The following COQ8B variants were observed in gnomAD, a reference collection of about 807,000 sequenced individuals.
COQ8B encodes coenzyme Q8B, also known as atypical kinase COQ8B, mitochondrial.
Under a neutral mutation model 62.0 loss-of-function variants are expected in COQ8B, and 44 were observed. The ratio of observed to expected loss-of-function variants is 0.71; its 90% CI spans 0.56 to 0.91. The LOEUF (loss-of-function observed/expected upper bound fraction) is 0.91. COQ8B is among the 40% of genes least tolerant of loss of function. The probability of loss-of-function intolerance (pLI) is 0.00; values close to 1 mark genes in which losing one functional copy is unlikely to be tolerated. For missense variants in COQ8B, 649 were observed against 731.6 expected (o/e 0.89, Z 1.30); for synonymous variants, 252 against 289.9 (o/e 0.87, Z 1.33).
At chr19:40,705,011 G>A (rs2082089007) in intron 7 of COQ8B, 85 bp downstream of exon 7, 1 of 1,268,834 alleles carries the variant, frequency 7.9e-7, no homozygotes, top group African/African-American at 1.5e-5. Flanking sequence ...GAGGCAGGGA[G>A]TGGGGCAGTG....
intron 1 of COQ8B, 93 bp from the exon 2 acceptor site, chr19:40,714,728 C>T (rs2144720824): frequency 7.5e-7 from 1 of 1,340,876 alleles, no homozygotes; most frequent in Admixed American, 2.8e-5. Context: ...CTCTCATTCC[C>T]ACCCACTAAA....
At chr19:40,705,292 G>T (rs1240802792) in intron 6 of COQ8B, 33 bp downstream of exon 6, 1 of 1,585,204 alleles carries the variant, frequency 6.3e-7, no homozygotes, top group Admixed American at 1.7e-5. Flanking sequence ...TAGAAGGGAG[G>T]TCAGGGGTCA....
intron 3 of COQ8B, 39 bp from the exon 4 acceptor site, chr19:40,714,172 G>A: frequency 2.5e-6 from 4 of 1,613,540 alleles, no homozygotes; most frequent in Non-Finnish European, 3.4e-6. Context: ...GGGAAAGTGG[G>A]CATCGTGGCC....
chr19:40,716,676 T>G lies in COQ8B; in HGVS notation c.-93A>C, dbSNP rs2082187435. ...GTCTCGAACCCACACCCGTGGGAACTCCAAGTCTTTGAAAGTCCGTCCCGC... is the reference window on the plus strand; with the variant it reads ...GTCTCGAACCCACACCCGTGGGAACGCCAAGTCTTTGAAAGTCCGTCCCGC... On this transcript the variant is annotated 5_prime_UTR_variant, in exon 1 of 15. Transcript: ENST00000324464. 6.6e-6 allele frequency: 1 copy of G among 152,360 alleles called. No individual in the cohort carries two copies. The highest frequency in any genetic ancestry group is 2.4e-5 in the African/African-American group (1 of 41,460). 9.4% of individuals were successfully genotyped at this position (152,360 alleles called of 1,614,324 possible).
rs960492727 is a variant in COQ8B at position 40,692,322 on chromosome 19, C to T, written c.1348G>A (p.Ala450Thr). The change falls in exon 15 of 15, where the codon GCC becomes ACC. Residue 450 changes from alanine to threonine, a missense_variant. By Grantham distance (58) the Ala-to-Thr change is moderately conservative. Coordinates refer to ENST00000324464, the MANE Select transcript of COQ8B (RefSeq NM_024876.4). ...EAVMILGEPFATQGPYDFGSG... is the reference protein window; with the variant it reads ...EAVMILGEPFTTQGPYDFGSG... ...CCAAAGTCATAAGGGCCCTGGGTGG[C>T]GAAAGGCTCCCCCAGGATCATCACT... 8 of 1,613,562 alleles carry T rather than the reference C, an allele frequency of 5.0e-6. No homozygotes were observed. In the African/African-American group the frequency reaches 6.7e-5, roughly 13 times the overall value.
At chr19:40,706,755 T>G (rs554811704) in intron 5 of COQ8B, among the ~76,000 whole-genome samples, 1 of 152,160 alleles carries the variant, frequency 6.6e-6, no homozygotes, top group African/African-American at 2.4e-5. Context: ...CCACCGCACC[T>G]GGCCTAAAAA....
rs1454081177 is a variant in COQ8B at position 40,700,462 on chromosome 19, A to T, written c.894-11T>A. ...TTTGCCAGCAGCTGCCTGGGGCAGA[A>T]GGAAAGGGAGGAAGGGGACTTCGTG... is the stretch of plus-strand genomic sequence containing the variant. On this transcript the variant is annotated splice_polypyrimidine_tract_variant and intron_variant, in intron 10 of 14. Coordinates refer to ENST00000324464, the MANE Select transcript of COQ8B (RefSeq NM_024876.4). The T allele has an allele frequency of 6.2e-7, 1 of 1,611,500 alleles. No individual in the cohort carries two copies. The highest frequency in any genetic ancestry group is 8.5e-7 in the Non-Finnish European group (1 of 1,179,068).
chr19:40,696,396 G>T (rs2082015407), intron 12 of COQ8B, among the ~76,000 whole-genome samples: 1 of 151,994 alleles, frequency 6.6e-6, no homozygotes, highest in Non-Finnish European at 1.5e-5. Context: ...GCCACACGTG[G>T]TGGCTCACAC....
chr19:40,697,875 G>GAGAGGGAGAGAGAC (rs58313890), intron 12 of COQ8B, among the ~76,000 whole-genome samples: 12 of 103,474 alleles, frequency 1.2e-4, no homozygotes, highest in African/African-American at 5.1e-4. Context: ...GAGAGAGAGA[G>GAGAGGGAGAGAGAC]AGTTTCTACT....
chr19:40,694,986 TG>T (rs1227191156), intron 13 of COQ8B, among the ~76,000 whole-genome samples: 2 of 152,310 alleles, frequency 1.3e-5, no homozygotes, highest in South Asian at 4.1e-4. Flanking sequence ...TCTCCAGCTT[TG>T]CCTAGAATAG....
At position 40,691,917 on chromosome 19, in the gene COQ8B, C is replaced by T; in HGVS notation, c.*118G>A. 1.0e-6 allele frequency: 1 copy of T among 998,534 alleles called. No homozygotes were observed. The highest frequency in any genetic ancestry group is 1.3e-6 in the Non-Finnish European group (1 of 744,620). The allele number at this position is 998,534 out of a possible 1,614,324, so 61.9% of individuals were successfully genotyped here. On this transcript the variant is annotated 3_prime_UTR_variant, in exon 15 of 15. Transcript: ENST00000324464. The stretch of plus-strand genomic sequence containing the variant: ...TGAGCTCCTGGGCCAAGGAGGAGAG[C>T]CAGGCAAGACTGGGAAGCCCAAGGG...
rs35930091 is a variant in COQ8B at position 40,697,114 on chromosome 19, ATT to A, written c.1144-1062_1144-1061del. ...TATTAGTTATAAACTCTGTTCTGAC[ATT>A]TTTTTTTTTTTTTGAGACAGGGTCT... On this transcript the variant is annotated intron_variant, in intron 12 of 14. Transcript: ENST00000324464. 5.0e-3 allele frequency among the ~76,000 whole-genome samples: 705 copies of A among 142,176 alleles called. 6 individuals are homozygous for A. The highest frequency in any genetic ancestry group is 0.015 in the African/African-American group (577 of 38,594). The allele number at this position is 142,176 out of a possible 152,430, so 93.3% of individuals were successfully genotyped here.
intron 1 of COQ8B, chr19:40,714,848 C>T (rs953029909): frequency 7.4e-7 from 1 of 1,342,624 alleles, no homozygotes; most frequent in Admixed American, 3.7e-5. Context: ...TCCCCCCTCT[C>T]CCAACCCTCG....
intron 1 of COQ8B, among the ~76,000 whole-genome samples, chr19:40,716,212 G>C (rs1205541097): frequency 2.0e-5 from 3 of 152,102 alleles, no homozygotes; most frequent in Non-Finnish European, 4.4e-5. Context: ...TGTGCCCAAT[G>C]TCTCCCCCAG....
rs2082186893 is a variant in COQ8B at position 40,716,627 on chromosome 19, G to A, written c.-44C>T. 1 of 152,312 alleles carries A rather than the reference G, an allele frequency of 6.6e-6. No homozygotes were observed. Among genetic ancestry groups the A allele is most frequent in the East Asian group, 1.9e-4 (1 of 5,200 alleles). 9.4% of individuals were successfully genotyped at this position (152,312 alleles called of 1,614,324 possible). A position where few individuals can be genotyped will look rare whatever the true frequency, so the allele number is the denominator to read the frequency against. On this transcript the variant is annotated 5_prime_UTR_variant, in exon 1 of 15. Coordinates refer to ENST00000324464, the MANE Select transcript of COQ8B (RefSeq NM_024876.4). The stretch of plus-strand genomic sequence containing the variant: ...GCGTAAGTCATTTGCTCAGGGTAGC[G>A]GAGCTGGGAACTGGCAGAGGAAGGT...
chr19:40,713,849 C>G (rs1440493220), intron 4 of COQ8B, among the ~76,000 whole-genome samples: 1 of 151,734 alleles, frequency 6.6e-6, no homozygotes, highest in East Asian at 1.9e-4. Context: ...TGCACTCCAG[C>G]CTGGGTGACA....
rs1161056851 is a variant in COQ8B at position 40,714,607 on chromosome 19, A to G, written c.26T>C (p.Leu9Pro). Residue 9 changes from leucine to proline, a missense_variant, in exon 2 of 15, where the codon CTT becomes CCT. By Grantham distance (98) the Leu-to-Pro change is moderately conservative. Transcript: ENST00000324464. ...GCCCAGCTGTCCACCGGTCCCCCGA[A>G]GTAGGCCCCCCACCTTCAGCCACAT... MWLKVGGL[L>P]RGTGGQLGQT... 1.2e-6 allele frequency: 2 copies of G among 1,610,214 alleles called. No homozygotes were observed. Among genetic ancestry groups the G allele is most frequent in the Admixed American group, 1.7e-5 (1 of 59,300 alleles).
chr19:40,696,105 A>C, intron 12 of COQ8B, 51 bp from the exon 13 acceptor site: 2 of 1,582,850 alleles, frequency 1.3e-6, no homozygotes, highest in Non-Finnish European at 1.7e-6. Context: ...TCACACCCTC[A>C]CTGTCTATTG....
intron 13 of COQ8B, among the ~76,000 whole-genome samples, chr19:40,693,614 G>A: frequency 6.6e-6 from 1 of 152,136 alleles, no homozygotes; most frequent in East Asian, 1.9e-4. Context: ...GCTGGGGCCA[G>A]CTGGCTAGGG....
Sources: allele counts gnomAD v4.1 joint callset (sites outside exome capture counted in the v4.1 genomes callset), GRCh38; gene constraint gnomAD v4.1.1; transcripts MANE v1.5; gene names NCBI Gene and HGNC (gene_info 2026-07-23, HGNC 2026-07-21).